Variants in CLNK observed in about 807,000 individuals in gnomAD.
The protein encoded by CLNK is cytokine dependent hematopoietic cell linker.
A neutral mutation model predicts 68.6 loss-of-function variants in CLNK; 74 were observed. That is an observed-to-expected ratio of 1.08 (90% confidence interval 0.89 to 1.31). CLNK has a LOEUF of 1.31. Among genes scored for constraint, CLNK ranks in the 50% most tolerant of loss-of-function variants. CLNK has a pLI of 0.00. For synonymous variants in CLNK, 198 were observed against 172.2 expected (o/e 1.15, Z -1.17); for missense variants, 553 against 515.3 (o/e 1.07, Z -0.71).
chr4:10,496,402 C>T (rs754327271), intron 18 of CLNK, among the ~76,000 whole-genome samples: 5 of 152,124 alleles, frequency 3.3e-5, no homozygotes, highest in Non-Finnish European at 5.9e-5. Flanking sequence ...CTCAGCAAGA[C>T]AAAAGGCTCA....
rs763085359 is a variant in CLNK, at chr4:10,490,421, A to G, written c.*46T>C. ...TAAACTTTTGAAATCAATGAAAACAATGGAAGCGCTGAATCCAGTAAACCA... is the reference window on the plus strand; with the variant it reads ...TAAACTTTTGAAATCAATGAAAACAGTGGAAGCGCTGAATCCAGTAAACCA... On this transcript the variant is annotated 3_prime_UTR_variant, in exon 19 of 19. Coordinates refer to ENST00000226951, the MANE Select transcript of CLNK (RefSeq NM_052964.4). 1.1e-5 allele frequency: 18 copies of G among 1,586,240 alleles called. No individual in the cohort carries two copies. The South Asian group carries it at 2.0e-4, about 18-fold the overall frequency.
chr4:10,664,154 A>G (rs1724303916), intron 2 of CLNK, among the ~76,000 whole-genome samples: 1 of 152,212 alleles, frequency 6.6e-6, no homozygotes, highest in Non-Finnish European at 1.5e-5. Context: ...ATTGTAAGAA[A>G]TTCCAGATTA....
rs371182270 is a variant in CLNK, at chr4:10,673,797, G to A, written c.-42-5886C>T. Among the ~76,000 whole-genome samples the A allele has an allele frequency of 1.3e-4, 19 of 151,970 alleles. 1 individual carries two copies. In the South Asian group the frequency reaches 2.5e-3, roughly 20 times the overall value. On this transcript the variant is annotated intron_variant, in intron 1 of 18. Transcript: ENST00000226951. ...AGGCAGGACTTGTAGGCTGTGGAGCGTCAGCCTTGCAGGTCTTTCTCCAAC... is the reference window on the plus strand; with the variant it reads ...AGGCAGGACTTGTAGGCTGTGGAGCATCAGCCTTGCAGGTCTTTCTCCAAC...
chr4:10,586,147 C>T (rs1340927144), intron 3 of CLNK, among the ~76,000 whole-genome samples: 2 of 142,808 alleles, frequency 1.4e-5, no homozygotes, highest in East Asian at 3.9e-4. Context: ...CCACTGCCCA[C>T]CTCCTGCTGT....
At chr4:10,582,513 G>C (rs1720819471) in intron 4 of CLNK, among the ~76,000 whole-genome samples, 5 of 151,934 alleles carry the variant, frequency 3.3e-5, no homozygotes, top group Admixed American at 3.3e-4. Flanking sequence ...TTTCTAAATA[G>C]GGCCATCTTT....
chr4:10,711,073 C>T, the CLNK span, among the ~76,000 whole-genome samples: 1 of 152,156 alleles, frequency 6.6e-6, no homozygotes, highest in Non-Finnish European at 1.5e-5. Flanking sequence ...GTGGTGGTTC[C>T]AGCTTCTCAG....
intron 14 of CLNK, 85 bp downstream of exon 14, chr4:10,525,756 G>T: frequency 1.3e-6 from 1 of 773,362 alleles, no homozygotes; most frequent in Non-Finnish European, 2.1e-6. Context: ...TCGTTTCTCA[G>T]AAAGTCTTTG....
chr4:10,591,643 T>G (rs1721182018), intron 3 of CLNK, among the ~76,000 whole-genome samples: 1 of 152,234 alleles, frequency 6.6e-6, no homozygotes, highest in Admixed American at 6.5e-5. Context: ...ACCTGTCCTA[T>G]CCGAGCAAGG....
At position 10,587,911 on chromosome 4, in the gene CLNK, G is replaced by A. The variant is rs534110639; in HGVS notation, c.84-2956C>T. 5.5e-4 allele frequency among the ~76,000 whole-genome samples: 84 copies of A among 152,282 alleles called. 1 individual carries two copies. The highest frequency in any genetic ancestry group is 1.9e-3 in the African/African-American group (80 of 41,554). On this transcript the variant is annotated intron_variant, in intron 3 of 18. Coordinates refer to ENST00000226951, the MANE Select transcript of CLNK (RefSeq NM_052964.4). ...TCAGAGCCCTTGTGGTTAACAGTTG[G>A]CGCCCTTTCAAGCTGCCGGAGGTTC...
chr4:10,662,982 C>T (rs565073017), intron 2 of CLNK, among the ~76,000 whole-genome samples: 1 of 152,314 alleles, frequency 6.6e-6, no homozygotes, highest in South Asian at 2.1e-4. Flanking sequence ...GTGACTTTCA[C>T]CCAAATTCCC....
chr4:10,556,547 T>A (rs554652291), intron 8 of CLNK, among the ~76,000 whole-genome samples: 1 of 152,282 alleles, frequency 6.6e-6, no homozygotes, highest in Non-Finnish European at 1.5e-5. Context: ...ATGCCCATAG[T>A]GAACTATAAA....
At chr4:10,696,041 A>C in the CLNK span, among the ~76,000 whole-genome samples, 14 of 152,124 alleles carry the variant, frequency 9.2e-5, no homozygotes, top group African/African-American at 2.9e-4. Flanking sequence ...TTTTTAGTAG[A>C]GATGGGGTTT....
At chr4:10,564,498 A>G (rs1030272040) in intron 7 of CLNK, among the ~76,000 whole-genome samples, 173 bp downstream of exon 7, 2 of 152,174 alleles carry the variant, frequency 1.3e-5, no homozygotes, top group African/African-American at 4.8e-5. Context: ...TGATGCTACC[A>G]GTCATAAGAG....
At chr4:10,531,689 C>A (rs183853596) in intron 12 of CLNK, 3 of 456,084 alleles carry the variant, frequency 6.6e-6, no homozygotes, top group South Asian at 4.7e-5. Context: ...GATCCGCCCA[C>A]CTCGGCCTCC....
At chr4:10,728,881 G>C in the CLNK span, among the ~76,000 whole-genome samples, 3 of 152,020 alleles carry the variant, frequency 2.0e-5, no homozygotes, top group Non-Finnish European at 1.5e-5. Flanking sequence ...TTACAGGTGT[G>C]AGCTACCACA....
the CLNK span, among the ~76,000 whole-genome samples, chr4:10,709,160 C>G: frequency 1.3e-5 from 2 of 152,216 alleles, no homozygotes; most frequent in African/African-American, 4.8e-5. Flanking sequence ...TATGCTTATA[C>G]TGACTCTATG....
intron 3 of CLNK, among the ~76,000 whole-genome samples, chr4:10,590,438 G>A (rs1168094930): frequency 6.6e-6 from 1 of 152,148 alleles, no homozygotes; most frequent in Middle Eastern, 3.2e-3. Flanking sequence ...CCAGGGTCAA[G>A]CTCCTGGCAT....
At chr4:10,615,545 C>CCA (rs1560243393) in intron 2 of CLNK, among the ~76,000 whole-genome samples, 3 of 152,110 alleles carry the variant, frequency 2.0e-5, no homozygotes, top group Non-Finnish European at 4.4e-5. Context: ...AAACAAAACA[C>CCA]CAAGAAAGAA....
chr4:10,671,922 T>C (rs969157691), intron 1 of CLNK, among the ~76,000 whole-genome samples: 1 of 152,120 alleles, frequency 6.6e-6, no homozygotes, highest in Admixed American at 6.5e-5. Flanking sequence ...TAAAGAAGCT[T>C]AGTCTAAGAT....
Sources: allele counts gnomAD v4.1 joint callset (sites outside exome capture counted in the v4.1 genomes callset), GRCh38; gene constraint gnomAD v4.1.1; transcripts MANE v1.5; gene names NCBI Gene and HGNC (gene_info 2026-07-23, HGNC 2026-07-21).